Variants in FAM184A observed in about 807,000 individuals in gnomAD.
The protein encoded by FAM184A is protein FAM184A.
FAM184A carries 99 observed loss-of-function variants against 143.8 expected under a neutral mutation model. That is an observed-to-expected ratio of 0.69 (90% CI 0.58 to 0.81). FAM184A has a LOEUF of 0.81. Ranked by LOEUF, FAM184A falls within the 40% of genes least tolerant of loss-of-function variation. The pLI is 0.00. For missense variants in FAM184A, 1,217 were observed against 1,310.5 expected (o/e 0.93, Z 1.10); for synonymous variants, 427 against 446.4 (o/e 0.96, Z 0.55).
At chr6:119,032,199 G>C (rs568424820) in intron 1 of FAM184A, among the ~76,000 whole-genome samples, 13 of 151,838 alleles carry the variant, frequency 8.6e-5, no homozygotes, top group Non-Finnish European at 1.9e-4. Flanking sequence ...TTGAACCTGA[G>C]AGGCGGAGGT....
chr6:118,992,130 T>C (rs1582476144), intron 9 of FAM184A, among the ~76,000 whole-genome samples: 1 of 151,896 alleles, frequency 6.6e-6, no homozygotes, highest in Non-Finnish European at 1.5e-5. Context: ...TCACTTTGAG[T>C]GCTGTAAGAA....
intron 9 of FAM184A, among the ~76,000 whole-genome samples, chr6:118,983,847 GA>G (rs1784091896): frequency 6.6e-6 from 1 of 151,726 alleles, no homozygotes; most frequent in African/African-American, 2.4e-5. Context: ...ATTTCAAAAA[GA>G]AAAAATTAAA....
chr6:119,011,474 AT>A, intron 5 of FAM184A, 43 bp from the exon 6 acceptor site: 1 of 1,231,094 alleles, frequency 8.1e-7, no homozygotes, highest in Non-Finnish European at 1.1e-6. Flanking sequence ...AATTGCAAGT[AT>A]TATATACTTT....
At chr6:119,123,416 C>CA (rs1789280627) in intron 1 of FAM184A, among the ~76,000 whole-genome samples, 1 of 151,828 alleles carries the variant, frequency 6.6e-6, no homozygotes, top group Non-Finnish European at 1.5e-5. Context: ...AACAAACAAA[C>CA]AAAAACAAAA....
intron 1 of FAM184A, among the ~76,000 whole-genome samples, chr6:119,138,076 G>A (rs1013364246): frequency 2.6e-5 from 4 of 152,146 alleles, no homozygotes; most frequent in Non-Finnish European, 4.4e-5. Context: ...GTGCATTGCT[G>A]TCTTTCAAGT....
chr6:119,093,437 C>A (rs568802881), intron 1 of FAM184A, among the ~76,000 whole-genome samples: 18 of 152,300 alleles, frequency 1.2e-4, no homozygotes, highest in African/African-American at 3.6e-4. Context: ...CCTTATATCT[C>A]ACTTACCTAT....
chr6:119,093,103 C>T (rs1788415076), intron 1 of FAM184A, among the ~76,000 whole-genome samples: 1 of 152,156 alleles, frequency 6.6e-6, no homozygotes, highest in Non-Finnish European at 1.5e-5. Flanking sequence ...AATTCTGTGG[C>T]AGAATTTTAT....
chr6:119,138,713 G>A (rs760908247), intron 1 of FAM184A, among the ~76,000 whole-genome samples: 29 of 151,986 alleles, frequency 1.9e-4, no homozygotes, highest in Non-Finnish European at 4.0e-4. Flanking sequence ...CGCAACCTCC[G>A]CCTCCTGGGT....
chr6:119,117,593 A>T (rs959883261), intron 1 of FAM184A, among the ~76,000 whole-genome samples: 1 of 152,224 alleles, frequency 6.6e-6, no homozygotes, highest in Non-Finnish European at 1.5e-5. Flanking sequence ...ACTCAGAGGT[A>T]AGACCTGCTT....
chr6:119,129,148 G>A (rs1034729390), intron 1 of FAM184A, among the ~76,000 whole-genome samples: 2 of 152,236 alleles, frequency 1.3e-5, no homozygotes, highest in Middle Eastern at 3.4e-3. Flanking sequence ...TTTCCAGGTC[G>A]AACCAATGTG....
intron 5 of FAM184A, 82 bp downstream of exon 5, chr6:119,016,665 C>A: frequency 8.0e-7 from 1 of 1,254,742 alleles, no homozygotes; most frequent in Admixed American, 1.9e-5. Context: ...GTCAGTGAGA[C>A]CAAGAACCCA....
intron 1 of FAM184A, among the ~76,000 whole-genome samples, chr6:119,090,433 A>G (rs2114819396): frequency 1.3e-5 from 2 of 152,330 alleles, no homozygotes; most frequent in South Asian, 4.1e-4. Context: ...GAAGGCAGAG[A>G]GATCCAGCAG....
chr6:119,011,254 T>A, intron 6 of FAM184A, 55 bp downstream of exon 6: 1 of 1,466,880 alleles, frequency 6.8e-7, no homozygotes, highest in Non-Finnish European at 9.4e-7. Context: ...GTCACCAGAA[T>A]AAGTTATTAT....
intron 9 of FAM184A, among the ~76,000 whole-genome samples, chr6:118,998,825 C>T (rs561412038): frequency 2.6e-5 from 4 of 152,178 alleles, no homozygotes; most frequent in Admixed American, 6.5e-5. Context: ...AGATCATGAG[C>T]GTACTAGAGG....
chr6:119,137,991 A>G (rs1772081420), intron 1 of FAM184A, among the ~76,000 whole-genome samples: 1 of 152,238 alleles, frequency 6.6e-6, no homozygotes, highest in Admixed American at 6.5e-5. Flanking sequence ...TTCTATCCCT[A>G]GCTCCGGCAC....
At chr6:119,113,064 C>A (rs1788972583) in intron 1 of FAM184A, among the ~76,000 whole-genome samples, 1 of 152,146 alleles carries the variant, frequency 6.6e-6, no homozygotes, top group East Asian at 1.9e-4. Context: ...TTCTCTGGGT[C>A]CACACCGCCC....
At chr6:119,046,535 A>G (rs1786541465) in intron 1 of FAM184A, among the ~76,000 whole-genome samples, 1 of 149,940 alleles carries the variant, frequency 6.7e-6, no homozygotes, top group Non-Finnish European at 1.5e-5. Context: ...CAAACGACCA[A>G]TTTTGTAGTG....
At chr6:119,102,351 A>G (rs1191247110) in intron 1 of FAM184A, among the ~76,000 whole-genome samples, 1 of 152,212 alleles carries the variant, frequency 6.6e-6, no homozygotes, top group Non-Finnish European at 1.5e-5. Flanking sequence ...CTAAAGACCA[A>G]TAAGGCATGA....
Position 119,024,141 on chromosome 6 carries a change from G to A in FAM184A, c.832C>T (p.Gln278Ter), listed in dbSNP as rs868322671. The change falls in exon 2 of 18, where the codon CAG becomes TAG. Residue 278 changes from glutamine (Q) to a stop codon, truncating the protein, a stop_gained. Transcript: ENST00000338891. LOFTEE classifies it high-confidence loss of function. ...TCAGCTTCCTTTTCTTTGCTGGCCT[G>A]TAGGCTTTCTGCTGTAAAAAGCTGT... ...RSQLFTAESL[Q>*]ASKEKEADLR... 1 of 1,614,126 alleles carries A rather than the reference G, an allele frequency of 6.2e-7. No homozygotes were observed. The highest frequency in any genetic ancestry group is 1.1e-5 in the South Asian group (1 of 91,076).
Sources: gnomAD v4.1 joint callset for allele counts (sites outside exome capture counted in the v4.1 genomes callset) on GRCh38, gnomAD v4.1.1 for gene constraint, MANE v1.5 for transcripts, NCBI Gene and HGNC (gene_info 2026-07-23, HGNC 2026-07-21) for gene names.